PARD3B: variants seen among roughly 807,000 people sequenced by gnomAD.
PARD3B encodes the protein par-3 family cell polarity regulator beta.
PARD3B carries 103 observed loss-of-function variants against 130.2 expected under a neutral mutation model. That is an observed-to-expected ratio of 0.79 (90% CI 0.67 to 0.93). PARD3B has a LOEUF of 0.93. PARD3B is among the 40% of genes least tolerant of loss of function. The probability of loss-of-function intolerance (pLI) is 0.00; values close to 1 mark genes in which losing one functional copy is unlikely to be tolerated. For missense variants in PARD3B, 1,609 were observed against 1,499.2 expected (o/e 1.07, Z -1.21); for synonymous variants, 583 against 553.2 (o/e 1.05, Z -0.76).
chr2:204,681,900 CCT>C (rs1224796015), intron 1 of PARD3B, among the ~76,000 whole-genome samples: 2 of 152,096 alleles, frequency 1.3e-5, no homozygotes, highest in African/African-American at 4.8e-5. Flanking sequence ...CTTCAAACTC[CCT>C]CTCTATTCTT....
chr2:205,362,351 C>T (rs2044421091), intron 18 of PARD3B, among the ~76,000 whole-genome samples: 1 of 151,766 alleles, frequency 6.6e-6, no homozygotes, highest in African/African-American at 2.4e-5. Context: ...CTTACTTTGA[C>T]TTCATGTTCA....
chr2:205,387,756 G>A (rs1390890702), intron 18 of PARD3B, among the ~76,000 whole-genome samples: 3 of 152,148 alleles, frequency 2.0e-5, no homozygotes, highest in Admixed American at 2.0e-4. Context: ...ACTAAAAATG[G>A]GGAGACCAGA....
intron 16 of PARD3B, among the ~76,000 whole-genome samples, chr2:205,290,366 G>A (rs2041562529): frequency 6.6e-6 from 1 of 152,132 alleles, no homozygotes; most frequent in Non-Finnish European, 1.5e-5. Flanking sequence ...AAAGAAAATG[G>A]GAGGAATTTC....
chr2:205,009,454 A>G (rs1047816602), intron 3 of PARD3B, among the ~76,000 whole-genome samples: 19 of 151,626 alleles, frequency 1.3e-4, no homozygotes, highest in Admixed American at 3.9e-4. Context: ...GGTGGATCAC[A>G]AGGTCAGGAG....
intron 19 of PARD3B, among the ~76,000 whole-genome samples, chr2:205,430,068 A>G (rs1198748977): frequency 1.3e-5 from 2 of 152,208 alleles, no homozygotes; most frequent in African/African-American, 4.8e-5. Context: ...TCTCACAACA[A>G]CATCTTAAAC....
intron 1 of PARD3B, among the ~76,000 whole-genome samples, chr2:204,682,655 T>A (rs919330217): frequency 6.6e-6 from 1 of 152,196 alleles, no homozygotes; most frequent in African/African-American, 2.4e-5. Context: ...TCTCCAAAAA[T>A]CGGCTTTTCC....
intron 20 of PARD3B, among the ~76,000 whole-genome samples, chr2:205,464,980 A>T (rs2048572734): frequency 6.6e-6 from 1 of 152,246 alleles, no homozygotes; most frequent in Non-Finnish European, 1.5e-5. Context: ...GGTAATGGTG[A>T]GACTCTGTAC....
chr2:205,406,200 A>ATTCC (rs2046411607), intron 19 of PARD3B, among the ~76,000 whole-genome samples: 1 of 152,202 alleles, frequency 6.6e-6, no homozygotes, highest in South Asian at 2.1e-4. Flanking sequence ...CATCCATTTT[A>ATTCC]TTCCGTTCTA....
chr2:205,264,749 A>G (rs1195525821), intron 16 of PARD3B, among the ~76,000 whole-genome samples: 1 of 151,274 alleles, frequency 6.6e-6, no homozygotes, highest in Non-Finnish European at 1.5e-5. Context: ...TTTTGAATAA[A>G]TGATGATATG....
At chr2:205,270,882 T>C (rs760256591) in intron 16 of PARD3B, among the ~76,000 whole-genome samples, 9 of 152,082 alleles carry the variant, frequency 5.9e-5, no homozygotes, top group Non-Finnish European at 1.2e-4. Flanking sequence ...TTTCCACACA[T>C]AGCTCATTGT....
At chr2:204,981,257 C>T (rs745906821) in intron 3 of PARD3B, among the ~76,000 whole-genome samples, 3 of 151,640 alleles carry the variant, frequency 2.0e-5, no homozygotes, top group Non-Finnish European at 4.4e-5. Context: ...CGTGTATATT[C>T]ACTGAAAAAA....
chr2:205,429,993 A>G (rs2047274585), intron 19 of PARD3B, among the ~76,000 whole-genome samples: 1 of 152,090 alleles, frequency 6.6e-6, no homozygotes, highest in South Asian at 2.1e-4. Context: ...TCTTCCGTTT[A>G]TGTCTTCTCC....
At chr2:204,573,687 G>A (rs527871424) in intron 1 of PARD3B, among the ~76,000 whole-genome samples, 2 of 152,248 alleles carry the variant, frequency 1.3e-5, no homozygotes, top group African/African-American at 2.4e-5. Flanking sequence ...GAGTGTCCCC[G>A]ATGCCCTTGG....
At chr2:205,505,096 T>C (rs1380326169) in intron 21 of PARD3B, among the ~76,000 whole-genome samples, 1 of 152,154 alleles carries the variant, frequency 6.6e-6, no homozygotes, top group Non-Finnish European at 1.5e-5. Flanking sequence ...TGTAGGGACA[T>C]GGATGAAGCT....
At chr2:204,959,148 G>A (rs189152198) in intron 2 of PARD3B, among the ~76,000 whole-genome samples, 21 of 152,088 alleles carry the variant, frequency 1.4e-4, no homozygotes, top group Admixed American at 1.3e-3. Flanking sequence ...CCCCCGACAG[G>A]CCCTGGTGTG....
intron 2 of PARD3B, among the ~76,000 whole-genome samples, chr2:204,795,677 C>G (rs867918853): frequency 6.6e-6 from 1 of 152,146 alleles, no homozygotes; most frequent in African/African-American, 2.4e-5. Context: ...ATTAACTGAG[C>G]CTGCCAAGCA....
chr2:205,615,380 G>A, intron 22 of PARD3B, 76 bp from the exon 23 acceptor site: 1 of 1,276,226 alleles, frequency 7.8e-7, no homozygotes, highest in Non-Finnish European at 1.1e-6. Context: ...AACTGCACAG[G>A]AGGCTGAGGA....
intron 18 of PARD3B, among the ~76,000 whole-genome samples, chr2:205,399,906 G>C (rs2046187663): frequency 6.6e-6 from 1 of 152,124 alleles, no homozygotes; most frequent in East Asian, 1.9e-4. Context: ...GTGCATAAAG[G>C]AAAGCGTACA....
rs139685139 is a variant in PARD3B, at chr2:205,562,846, C to G, written c.3260+9443C>G. On this transcript the variant is annotated intron_variant, in intron 22 of 22. Transcript: ENST00000406610. The surrounding 1 kb of genome is among the most constrained non-coding windows in gnomAD (Gnocchi z 5.4). ...ACTGTCTTTCTGCACCTACCTCCTC[C>G]TGTCTTCTCTGACTCCAGCCATTTG... 4.8e-3 allele frequency among the ~76,000 whole-genome samples: 727 copies of G among 152,320 alleles called. 6 individuals are homozygous for G. The highest frequency in any genetic ancestry group is 0.016 in the African/African-American group (662 of 41,574).
Sources: allele counts gnomAD v4.1 joint callset (sites outside exome capture counted in the v4.1 genomes callset), GRCh38; gene constraint gnomAD v4.1.1; non-coding constraint Gnocchi (gnomAD v3.1); transcripts MANE v1.5; gene names NCBI Gene and HGNC (gene_info 2026-07-23, HGNC 2026-07-21).